Variants in ATP13A3 observed in about 807,000 individuals in gnomAD.
ATP13A3 encodes the protein ATPase 13A3.
A neutral mutation model predicts 158.1 loss-of-function variants in ATP13A3; 59 were observed. The ratio of observed to expected loss-of-function variants is 0.37; its 90% confidence interval spans 0.30 to 0.46. The LOEUF (loss-of-function observed/expected upper bound fraction) is 0.46. ATP13A3 is among the 20% of genes least tolerant of loss of function. The probability of loss-of-function intolerance (pLI) is 1.00; values close to 1 mark genes in which losing one functional copy is unlikely to be tolerated. For synonymous variants in ATP13A3, 491 were observed against 504.3 expected, an observed-to-expected ratio of 0.97 and a Z score of 0.35; for missense variants, 1,166 against 1,525.2, an observed-to-expected ratio of 0.76 and a Z score of 3.92.
At chr3:194,467,987 A>G (rs916803076) in intron 2 of ATP13A3, 7 of 152,324 alleles carry the variant, frequency 4.6e-5, no homozygotes, top group Middle Eastern at 3.4e-3. Flanking sequence ...CAGTAGCACT[A>G]TATCATCATT....
intron 6 of ATP13A3, chr3:194,459,020 T>C (rs1407720255): frequency 6.5e-6 from 1 of 154,462 alleles, no homozygotes; most frequent in Non-Finnish European, 1.4e-5. Flanking sequence ...CGATTAAAAA[T>C]AAAGGAATTA....
rs1308562111 is a variant in ATP13A3 at position 194,486,830 on chromosome 3, G to A, written c.-353C>T. 1.3e-5 allele frequency: 2 copies of A among 151,482 alleles called. No individual in the cohort carries two copies. The highest frequency in any genetic ancestry group is 2.4e-5 in the African/African-American group (1 of 41,306). The allele number at this position is 151,482 out of a possible 1,614,324, so 9.4% of individuals were successfully genotyped here. On this transcript the variant is annotated 5_prime_UTR_variant, in exon 1 of 34. Coordinates refer to ENST00000645319, the MANE Select transcript of ATP13A3 (RefSeq NM_001367549.1). ...GGCGGCGGCGTGCAGCCGGCAGGGC[G>A]AGAACAAGGGAGGGCGGCGGGAGGT...
chr3:194,464,930 T>C (rs944611639), intron 2 of ATP13A3, among the ~76,000 whole-genome samples: 1 of 152,080 alleles, frequency 6.6e-6, no homozygotes. Context: ...TCATTTTTGA[T>C]AACCAATTCT....
In ATP13A3 at chr3:194,403,917, TGG is replaced by T. The variant is rs3836225; in HGVS notation, c.*2000_*2001del. 3,248 of 275,556 alleles carry T rather than the reference TGG, an allele frequency of 0.012. 108 individuals carry two copies. Among genetic ancestry groups the T allele is most frequent in the African/African-American group, 0.071 (2,989 of 41,958 alleles). The allele number at this position is 275,556 out of a possible 1,614,324, so 17.1% of individuals were successfully genotyped here. ...TTACTAACTCTAAATGTTAAAAAAGTGGGGGGGGGGTGTCAAAAATAGCTCTT... is the reference window on the plus strand; with the variant it reads ...TTACTAACTCTAAATGTTAAAAAAGTGGGGGGGGTGTCAAAAATAGCTCTT... On this transcript the variant is annotated 3_prime_UTR_variant, in exon 34 of 34. Transcript: ENST00000645319.
At chr3:194,446,458 G>A (rs956930488) in intron 14 of ATP13A3, among the ~76,000 whole-genome samples, 1 of 152,162 alleles carries the variant, frequency 6.6e-6, no homozygotes, top group Non-Finnish European at 1.5e-5. Flanking sequence ...TTCCTGCCTC[G>A]TTCCGCCAGT....
At chr3:194,461,279 T>C (rs1005012572) in intron 3 of ATP13A3, among the ~76,000 whole-genome samples, 1 of 152,188 alleles carries the variant, frequency 6.6e-6, no homozygotes, top group African/African-American at 2.4e-5. Flanking sequence ...GTACATCCTT[T>C]GTGCAGTTTC....
chr3:194,425,667 A>G, intron 29 of ATP13A3, 138 bp from the exon 30 acceptor site: 1 of 662,904 alleles, frequency 1.5e-6, no homozygotes, highest in Non-Finnish European at 2.5e-6. Context: ...GTCCAACAAT[A>G]TCAATATAAG....
chr3:194,443,816 G>A (rs542044991), intron 15 of ATP13A3, among the ~76,000 whole-genome samples: 26 of 152,032 alleles, frequency 1.7e-4, no homozygotes, highest in Admixed American at 1.0e-3. Flanking sequence ...GAGACTAATA[G>A]GATAATTTTC....
chr3:194,429,858 A>T (rs1252304427), intron 26 of ATP13A3, 84 bp from the exon 27 acceptor site: 4 of 1,234,978 alleles, frequency 3.2e-6, no homozygotes, highest in Non-Finnish European at 4.7e-6. Context: ...TTGACAGATG[A>T]ACATCAACAT....
chr3:194,407,188 A>G (rs1003195848), intron 33 of ATP13A3, among the ~76,000 whole-genome samples: 11 of 152,238 alleles, frequency 7.2e-5, no homozygotes, highest in African/African-American at 2.4e-4. Flanking sequence ...AAGAACAGCC[A>G]CTTCGTAATG....
intron 33 of ATP13A3, among the ~76,000 whole-genome samples, chr3:194,410,427 G>C (rs1715321380): frequency 6.6e-6 from 1 of 150,698 alleles, no homozygotes; most frequent in South Asian, 2.1e-4. Context: ...AAGTTGCCGG[G>C]CATGGTGGCA....
chr3:194,489,230 A>C (rs1285772569), upstream of ATP13A3, among the ~76,000 whole-genome samples: 1 of 152,126 alleles, frequency 6.6e-6, no homozygotes, highest in Admixed American at 6.5e-5. The surrounding 1 kb of genome is among the most constrained non-coding windows in gnomAD (Gnocchi z 4.1). Flanking sequence ...GGATCACACG[A>C]GGTCAGGAGT....
At position 194,417,156 on chromosome 3, in the gene ATP13A3, AG is replaced by A. The variant is rs1715909887; in HGVS notation, c.3402+2722del. On this transcript the variant is annotated intron_variant, in intron 31 of 33. Coordinates refer to ENST00000645319, the MANE Select transcript of ATP13A3 (RefSeq NM_001367549.1). ...GACAAACTAAACTTAAAAGTTAAGAAGAAAAGCTTAGCTGGGCACAGTGGCT... is the reference window on the plus strand; with the variant it reads ...GACAAACTAAACTTAAAAGTTAAGAAAAAAGCTTAGCTGGGCACAGTGGCT... Among the ~76,000 whole-genome samples, 6 of 152,238 alleles carry A rather than the reference AG, an allele frequency of 3.9e-5. No individual in the cohort carries two copies. The South Asian group carries it at 1.2e-3, about 32-fold the overall frequency.
intron 17 of ATP13A3, among the ~76,000 whole-genome samples, chr3:194,437,837 A>G (rs56383770): frequency 0.021 from 3,176 of 152,320 alleles, 75 homozygotes; most frequent in East Asian, 0.071. Flanking sequence ...GCAAGTGTAC[A>G]TACCAAAAAA....
chr3:194,457,477 A>G (rs935266917), intron 6 of ATP13A3, among the ~76,000 whole-genome samples: 6 of 152,238 alleles, frequency 3.9e-5, no homozygotes, highest in African/African-American at 1.4e-4. Flanking sequence ...AGACTGTGCC[A>G]AAGCTGTAAT....
chr3:194,474,392 G>A (rs1720436410), intron 2 of ATP13A3, among the ~76,000 whole-genome samples: 1 of 152,086 alleles, frequency 6.6e-6, no homozygotes, highest in South Asian at 2.1e-4. Flanking sequence ...GGGCTCAAGG[G>A]ATCCTCCCAC....
At chr3:194,455,783 G>T in intron 8 of ATP13A3, 110 bp downstream of exon 8, 1 of 736,966 alleles carries the variant, frequency 1.4e-6, no homozygotes, top group East Asian at 3.0e-5. Context: ...GTAAAAATAT[G>T]AAAAAGAGGT....
At chr3:194,449,432 C>T (rs973087188) in intron 11 of ATP13A3, among the ~76,000 whole-genome samples, 4 of 152,138 alleles carry the variant, frequency 2.6e-5, no homozygotes, top group Non-Finnish European at 5.9e-5. Flanking sequence ...GTAATTCCAA[C>T]ACTTTGGGAG....
intron 2 of ATP13A3, among the ~76,000 whole-genome samples, chr3:194,467,376 A>G (rs919354376): frequency 2.6e-5 from 4 of 152,230 alleles, no homozygotes; most frequent in Non-Finnish European, 5.9e-5. Flanking sequence ...TTCACTGCCT[A>G]TAGCAATCTA....
Sources: allele counts gnomAD v4.1 joint callset (sites outside exome capture counted in the v4.1 genomes callset), GRCh38; gene constraint gnomAD v4.1.1; non-coding constraint Gnocchi (gnomAD v3.1); transcripts MANE v1.5; gene names NCBI Gene and HGNC (gene_info 2026-07-23, HGNC 2026-07-21).